ITPR1: variants seen among roughly 807,000 people sequenced by gnomAD.
ITPR1 encodes inositol 1,4,5-trisphosphate receptor type 1, also known as inositol 1,4,5-trisphosphate-gated calcium channel ITPR1.
Under a neutral mutation model 318.4 loss-of-function variants are expected in ITPR1, and 96 were observed. The observed-to-expected ratio is 0.30, with a 90% CI of 0.26 to 0.36. The LOEUF (loss-of-function observed/expected upper bound fraction) is 0.36, where lower values mean the gene tolerates loss of function less well. Among genes scored for constraint, ITPR1 ranks in the 10% least tolerant of loss-of-function variants. ITPR1 has a pLI of 1.00. For synonymous variants in ITPR1, 1,312 were observed against 1,289.9 expected, an observed-to-expected ratio of 1.02 and a Z score of -0.37; for missense variants, 2,440 against 3,460.2, an observed-to-expected ratio of 0.71 and a Z score of 7.40.
At chr3:4,650,717 T>C (rs75901109) in intron 10 of ITPR1, among the ~76,000 whole-genome samples, 2,443 of 151,788 alleles carry the variant, frequency 0.016, 121 homozygotes, top group East Asian at 0.15. Context: ...TGGGTATGTG[T>C]CAAATGGGAA....
chr3:4,763,091 T>C (rs1056185305), intron 44 of ITPR1, among the ~76,000 whole-genome samples: 1 of 152,164 alleles, frequency 6.6e-6, no homozygotes, highest in African/African-American at 2.4e-5. Flanking sequence ...CTCAGCAAAC[T>C]AATGCAAGAA....
intron 10 of ITPR1, among the ~76,000 whole-genome samples, chr3:4,646,580 G>A (rs2093463160): frequency 6.6e-6 from 1 of 152,184 alleles, no homozygotes; most frequent in Non-Finnish European, 1.5e-5. Context: ...TAATTTATGG[G>A]CAGGGGAGAA....
chr3:4,788,177 C>T (rs753051226), intron 52 of ITPR1, 38 bp downstream of exon 52: 1 of 1,522,744 alleles, frequency 6.6e-7, no homozygotes, highest in Admixed American at 1.9e-5. Context: ...CAGAGAGACA[C>T]AGTTCTGGGA....
At chr3:4,588,650 C>T (rs529998279) in intron 4 of ITPR1, among the ~76,000 whole-genome samples, 2 of 152,254 alleles carry the variant, frequency 1.3e-5, no homozygotes, top group South Asian at 4.1e-4. Flanking sequence ...AGATTTGTTT[C>T]TCCAGTGCCC....
intron 24 of ITPR1, among the ~76,000 whole-genome samples, 191 bp downstream of exon 24, chr3:4,676,992 A>G (rs1355857356): frequency 6.6e-6 from 1 of 152,142 alleles, no homozygotes; most frequent in Non-Finnish European, 1.5e-5. Context: ...CCCTCCCAAC[A>G]TGGCCATGTC....
At chr3:4,691,663 C>CA (rs11387523) in intron 32 of ITPR1, among the ~76,000 whole-genome samples, 67,152 of 151,962 alleles carry the variant, frequency 0.44, 16,031 homozygotes, top group Non-Finnish European at 0.56. Context: ...TGAGCCAGAA[C>CA]GCTTCCATTC....
chr3:4,794,062 C>T (rs563467840), intron 52 of ITPR1, among the ~76,000 whole-genome samples: 2 of 152,304 alleles, frequency 1.3e-5, no homozygotes, highest in African/African-American at 4.8e-5. Context: ...TCCATTCTCA[C>T]GTACTCCATG....
chr3:4,663,419 G>T (rs1281592654), intron 16 of ITPR1, among the ~76,000 whole-genome samples: 1 of 152,158 alleles, frequency 6.6e-6, no homozygotes, highest in Non-Finnish European at 1.5e-5. Context: ...AAGAAAAAGA[G>T]AAATCAATGG....
In ITPR1 at chr3:4,693,566, G is replaced by C. The variant is rs1461379244; in HGVS notation, c.4106G>C (p.Arg1369Pro). Residue 1369 changes from arginine to proline, a missense_variant, in exon 33 of 62, where the codon CGG becomes CCG. Transcript: ENST00000649015. ...ASFQTLIQMM[R>P]SERDRMDENS... ...TTCCAGACTCTGATCCAGATGATGC[G>C]GTCAGAACGGGATCGGATGGATGAG... 3 of 1,613,858 alleles carry C rather than the reference G, an allele frequency of 1.9e-6. No homozygotes were observed. Among genetic ancestry groups the C allele is most frequent in the Non-Finnish European group, 2.5e-6 (3 of 1,179,910 alleles).
intron 25 of ITPR1, 81 bp downstream of exon 25, chr3:4,680,772 A>G: frequency 7.9e-7 from 1 of 1,272,766 alleles, no homozygotes; most frequent in Non-Finnish European, 1.1e-6. Flanking sequence ...AGTATCTTCT[A>G]GAAAAAGGGT....
At chr3:4,833,280 G>C (rs1249852139) in intron 60 of ITPR1, among the ~76,000 whole-genome samples, 1 of 152,216 alleles carries the variant, frequency 6.6e-6, no homozygotes, top group Non-Finnish European at 1.5e-5. Flanking sequence ...TTGGTCACTT[G>C]CTATTAGGAA....
At chr3:4,572,863 T>G (rs1454116775) in intron 4 of ITPR1, among the ~76,000 whole-genome samples, 1 of 152,230 alleles carries the variant, frequency 6.6e-6, no homozygotes, top group Non-Finnish European at 1.5e-5. Context: ...GTGACTGGCT[T>G]ATTTCCCATA....
chr3:4,763,800 C>T (rs1317038240), intron 44 of ITPR1, among the ~76,000 whole-genome samples: 2 of 152,268 alleles, frequency 1.3e-5, no homozygotes, highest in Non-Finnish European at 2.9e-5. Context: ...TAGCGGTTGA[C>T]AGCCATTGGG....
chr3:4,753,384 C>A (rs1575127496), intron 44 of ITPR1, among the ~76,000 whole-genome samples: 1 of 152,158 alleles, frequency 6.6e-6, no homozygotes, highest in African/African-American at 2.4e-5. Flanking sequence ...TACAAAGCAG[C>A]TTTACCCAGA....
chr3:4,515,894 G>T (rs1457792283), intron 2 of ITPR1, among the ~76,000 whole-genome samples: 1 of 152,186 alleles, frequency 6.6e-6, no homozygotes, highest in East Asian at 1.9e-4. Context: ...GCATTTGGGT[G>T]ACATGCGTAC....
intron 44 of ITPR1, among the ~76,000 whole-genome samples, chr3:4,762,114 G>A (rs181549218): frequency 1.3e-5 from 2 of 152,320 alleles, no homozygotes; most frequent in Admixed American, 1.3e-4. Flanking sequence ...TCTTGCAATA[G>A]ATACCACTGC....
At chr3:4,507,455 G>C (rs304035) in intron 2 of ITPR1, among the ~76,000 whole-genome samples, 16,043 of 152,162 alleles carry the variant, frequency 0.11, 904 homozygotes, top group African/African-American at 0.13. Context: ...GGTATTGTAT[G>C]AGATCTTTCT....
At chr3:4,837,164 C>T (rs555761811) in intron 61 of ITPR1, among the ~76,000 whole-genome samples, 118 of 152,110 alleles carry the variant, frequency 7.8e-4, no homozygotes, top group African/African-American at 2.7e-3. Flanking sequence ...CTGCTCAGGA[C>T]ATGGTTTTAA....
intron 4 of ITPR1, among the ~76,000 whole-genome samples, chr3:4,566,604 G>GCACACACACA (rs57756103): frequency 0.05 from 7,070 of 140,872 alleles, 257 homozygotes; most frequent in Admixed American, 0.082. Context: ...GGGGACACAT[G>GCACACACACA]CACACACACA....
Sources: gnomAD v4.1 joint callset for allele counts (sites outside exome capture counted in the v4.1 genomes callset) on GRCh38, gnomAD v4.1.1 for gene constraint, MANE v1.5 for transcripts, NCBI Gene and HGNC (gene_info 2026-07-23, HGNC 2026-07-21) for gene names.